MICAL2: variants seen among roughly 807,000 people sequenced by gnomAD.
MICAL2 encodes [F-actin]-monooxygenase MICAL2.
MICAL2 carries 77 observed loss-of-function variants against 127.3 expected under a neutral mutation model. The ratio of observed to expected loss-of-function variants is 0.60; its 90% CI spans 0.50 to 0.73. The LOEUF is 0.73. Ranked by LOEUF, MICAL2 falls within the 30% of genes least tolerant of loss-of-function variation. MICAL2 has a pLI of 0.00. For missense variants in MICAL2, 1,351 were observed against 1,434.4 expected (o/e 0.94, Z 0.94); for synonymous variants, 570 against 551.1 (o/e 1.03, Z -0.48).
intron 8 of MICAL2, among the ~76,000 whole-genome samples, chr11:12,218,116 C>G (rs1280247738): frequency 6.6e-6 from 1 of 152,218 alleles, no homozygotes; most frequent in African/African-American, 2.4e-5. Context: ...TCCTGCTTCC[C>G]CATTGATTCC....
At chr11:12,249,156 A>G in intron 21 of MICAL2, 28 bp from the exon 22 acceptor site, 1 of 1,612,276 alleles carries the variant, frequency 6.2e-7, no homozygotes, top group Non-Finnish European at 8.5e-7. Context: ...TTTACCTAAA[A>G]TGCATGTTGA....
At chr11:12,359,392 G>T (rs908138962), downstream of MICAL2, among the ~76,000 whole-genome samples, 3 of 151,876 alleles carry the variant, frequency 2.0e-5, no homozygotes, top group African/African-American at 7.3e-5. Context: ...TATTGGTGAG[G>T]TTGGTGCCGC....
chr11:12,351,327 A>G (rs1049053887), intron 33 of MICAL2, among the ~76,000 whole-genome samples: 2 of 152,188 alleles, frequency 1.3e-5, no homozygotes, highest in African/African-American at 4.8e-5. Flanking sequence ...GGGTTCAGCC[A>G]GGGGCAATAA....
rs1856817674 is a variant in MICAL2 at position 12,221,525 on chromosome 11, A to T, written c.1207-119A>T. On this transcript the variant is annotated intron_variant, in intron 9 of 27. Coordinates refer to ENST00000683283, the MANE Select transcript of MICAL2 (RefSeq NM_001282663.2). ...TAGGTAGCAGGGTCCCTGCCCTGTC[A>T]CCTCTCTGTCCCTCCAGTGCCCTGC... 1.7e-5 allele frequency: 11 copies of T among 634,504 alleles called. No individual in the cohort carries two copies. The East Asian group carries it at 3.1e-4, about 18-fold the overall frequency. The allele number at this position is 634,504 out of a possible 1,614,324, so 39.3% of individuals were successfully genotyped here.
chr11:12,244,682 G>T (rs1860461738), intron 21 of MICAL2, among the ~76,000 whole-genome samples: 1 of 152,168 alleles, frequency 6.6e-6, no homozygotes, highest in Non-Finnish European at 1.5e-5. Flanking sequence ...TTCCATGGGG[G>T]GATTTTGCTA....
downstream of MICAL2, among the ~76,000 whole-genome samples, chr11:12,296,720 G>A (rs991885982): frequency 1.3e-5 from 2 of 151,758 alleles, no homozygotes; most frequent in African/African-American, 2.4e-5. Flanking sequence ...CAGTTTCTTA[G>A]GCATTCCTGC....
intron 25 of MICAL2, 22 bp from the exon 26 acceptor site, chr11:12,259,773 C>T (rs750723772): frequency 1.3e-6 from 2 of 1,523,526 alleles, no homozygotes; most frequent in Non-Finnish European, 1.8e-6. Flanking sequence ...GACAAATGCC[C>T]TCATTTCCAT....
chr11:12,328,260 A>T (rs1864376728), intron 32 of MICAL2, among the ~76,000 whole-genome samples: 1 of 152,204 alleles, frequency 6.6e-6, no homozygotes, highest in South Asian at 2.1e-4. Flanking sequence ...AGAGGCACAC[A>T]TAGGTAAAGA....
chr11:12,325,449 C>G (rs889080529), intron 31 of MICAL2, among the ~76,000 whole-genome samples: 2 of 152,160 alleles, frequency 1.3e-5, no homozygotes, highest in African/African-American at 4.8e-5. Flanking sequence ...TATTCGTCTG[C>G]TTGGGCTGCC....
chr11:12,195,016 G>T (rs995701007), intron 3 of MICAL2, among the ~76,000 whole-genome samples: 6 of 152,158 alleles, frequency 3.9e-5, no homozygotes, highest in Non-Finnish European at 8.8e-5. Context: ...AATCCCAGCA[G>T]CACTTTGGGA....
At chr11:12,270,669 G>C (rs1863664847) in intron 24 of MICAL2, among the ~76,000 whole-genome samples, 1 of 152,222 alleles carries the variant, frequency 6.6e-6, no homozygotes, top group African/African-American at 2.4e-5. Flanking sequence ...ACTGGATCCT[G>C]ATCCTCTTAG....
At chr11:12,236,688 C>T (rs573316188) in intron 16 of MICAL2, among the ~76,000 whole-genome samples, 3 of 152,228 alleles carry the variant, frequency 2.0e-5, no homozygotes, top group Non-Finnish European at 4.4e-5. Flanking sequence ...ATGTCGTGGT[C>T]TCCACAAGTG....
intron 2 of MICAL2, among the ~76,000 whole-genome samples, chr11:12,158,998 G>T (rs1026987625): frequency 6.6e-6 from 1 of 152,218 alleles, no homozygotes; most frequent in Non-Finnish European, 1.5e-5. Flanking sequence ...GGTGAGATGG[G>T]TGTTTAGGTC....
intron 6 of MICAL2, among the ~76,000 whole-genome samples, chr11:12,211,723 AAAG>A (rs1855497176): frequency 6.6e-6 from 1 of 152,210 alleles, no homozygotes; most frequent in Admixed American, 6.5e-5. Flanking sequence ...TCAAGAGGCC[AAAG>A]AAGAGCCCAA....
chr11:12,281,897 C>T (rs185904652), intron 2 of MICAL2, among the ~76,000 whole-genome samples: 27 of 152,298 alleles, frequency 1.8e-4, no homozygotes, highest in African/African-American at 1.4e-4. Flanking sequence ...GGGACCAAAT[C>T]GTCTGATTTA....
intron 2 of MICAL2, among the ~76,000 whole-genome samples, chr11:12,141,769 C>A (rs190722921): frequency 6.6e-6 from 1 of 152,128 alleles, no homozygotes; most frequent in Admixed American, 6.5e-5. Flanking sequence ...CCCAAGTTGG[C>A]CAACCCTTGT....
At chr11:12,333,152 C>T (rs1938679662) in intron 32 of MICAL2, among the ~76,000 whole-genome samples, 2 of 152,194 alleles carry the variant, frequency 1.3e-5, no homozygotes, top group Non-Finnish European at 2.9e-5. Flanking sequence ...ATGGAAAGGG[C>T]AGATGCAACC....
At chr11:12,242,623 C>T in intron 19 of MICAL2, 48 bp from the exon 20 acceptor site, 1 of 1,562,794 alleles carries the variant, frequency 6.4e-7, no homozygotes, top group Non-Finnish European at 8.8e-7. Context: ...CTGTCTCAGT[C>T]TCTGTCACTA....
intron 1 of MICAL2, among the ~76,000 whole-genome samples, chr11:12,133,413 A>T (rs1851584783): frequency 6.6e-6 from 1 of 152,064 alleles, no homozygotes; most frequent in Non-Finnish European, 1.5e-5. Context: ...TTAAAAACAC[A>T]CCTGAAGGTG....
Sources: gnomAD v4.1 joint callset for allele counts (sites outside exome capture counted in the v4.1 genomes callset) on GRCh38, gnomAD v4.1.1 for gene constraint, MANE v1.5 for transcripts, NCBI Gene and HGNC (gene_info 2026-07-23, HGNC 2026-07-21) for gene names.